SKAP1: variants seen among roughly 807,000 people sequenced by gnomAD.
SKAP1 encodes src kinase-associated phosphoprotein 1.
A neutral mutation model predicts 58.5 loss-of-function variants in SKAP1; 44 were observed. That is an observed-to-expected ratio of 0.75 (90% CI 0.59 to 0.97). SKAP1 has a LOEUF of 0.97. Among genes scored for constraint, SKAP1 ranks in the 50% least tolerant of loss-of-function variants. The pLI is 0.00. For missense variants in SKAP1, 390 were observed against 435.2 expected (o/e 0.90, Z 0.92); for synonymous variants, 127 against 149.7 (o/e 0.85, Z 1.11).
intron 4 of SKAP1, among the ~76,000 whole-genome samples, chr17:48,297,215 C>T (rs767385776): frequency 9.4e-4 from 143 of 152,226 alleles, no homozygotes; most frequent in Admixed American, 1.4e-3. Flanking sequence ...TCTCTCTAAT[C>T]CCTGGTTAAC....
chr17:48,268,566 A>T (rs112293702), intron 4 of SKAP1, among the ~76,000 whole-genome samples: 4,710 of 152,054 alleles, frequency 0.031, 250 homozygotes, highest in African/African-American at 0.11. Context: ...ATCTCTGTTC[A>T]CTGCAACCTC....
chr17:48,370,566 G>C (rs2067070915), intron 2 of SKAP1, among the ~76,000 whole-genome samples: 1 of 152,020 alleles, frequency 6.6e-6, no homozygotes, highest in African/African-American at 2.4e-5. Flanking sequence ...CAAAGTGCTC[G>C]GATTACAAGC....
intron 4 of SKAP1, among the ~76,000 whole-genome samples, chr17:48,258,868 C>T: frequency 6.6e-6 from 1 of 152,108 alleles, no homozygotes. Context: ...GAACTCCTAA[C>T]TCTGCATTCA....
At chr17:48,232,867 A>T (rs960901898) in intron 4 of SKAP1, among the ~76,000 whole-genome samples, 3 of 152,210 alleles carry the variant, frequency 2.0e-5, no homozygotes, top group African/African-American at 7.2e-5. Context: ...GATTTCGCAG[A>T]ATAATGATTA....
At chr17:48,300,278 C>T (rs1465384447) in intron 4 of SKAP1, among the ~76,000 whole-genome samples, 1 of 152,030 alleles carries the variant, frequency 6.6e-6, no homozygotes, top group African/African-American at 2.4e-5. Flanking sequence ...CAGTCTCCAC[C>T]CCATATCTTC....
At chr17:48,367,248 T>A (rs7210708) in intron 2 of SKAP1, among the ~76,000 whole-genome samples, 50,710 of 151,890 alleles carry the variant, frequency 0.33, 9,169 homozygotes, top group African/African-American at 0.47. Context: ...TCCATCTAGT[T>A]GATGTTAAAT....
intron 4 of SKAP1, among the ~76,000 whole-genome samples, chr17:48,233,120 T>C (rs2065142078): frequency 6.6e-6 from 1 of 152,182 alleles, no homozygotes; most frequent in South Asian, 2.1e-4. Flanking sequence ...GTTTGGCAAG[T>C]GTCTCCTGAG....
chr17:48,256,068 A>G (rs957142880), intron 4 of SKAP1, among the ~76,000 whole-genome samples: 4 of 152,086 alleles, frequency 2.6e-5, no homozygotes, highest in Non-Finnish European at 4.4e-5. Context: ...TAAGGTTATA[A>G]AATAGCCACA....
chr17:48,378,205 C>T (rs1359595972), intron 2 of SKAP1, among the ~76,000 whole-genome samples: 1 of 152,188 alleles, frequency 6.6e-6, no homozygotes, highest in Non-Finnish European at 1.5e-5. Flanking sequence ...CCTCATCCTC[C>T]TCCCTTTGAC....
At chr17:48,286,734 C>T (rs1418574842) in intron 4 of SKAP1, among the ~76,000 whole-genome samples, 1 of 152,212 alleles carries the variant, frequency 6.6e-6, no homozygotes, top group African/African-American at 2.4e-5. Flanking sequence ...GTTCTTTTGG[C>T]TTTGAAATCA....
chr17:48,343,402 T>G (rs1947750037), intron 4 of SKAP1, among the ~76,000 whole-genome samples: 1 of 152,178 alleles, frequency 6.6e-6, no homozygotes, highest in African/African-American at 2.4e-5. Flanking sequence ...ATTGTGCCTG[T>G]TATGTATTAG....
At chr17:48,237,689 T>G (rs1336824685) in intron 4 of SKAP1, among the ~76,000 whole-genome samples, 1 of 152,188 alleles carries the variant, frequency 6.6e-6, no homozygotes, top group Non-Finnish European at 1.5e-5. Flanking sequence ...TGATGAGAAC[T>G]TTGAACTAAG....
intron 4 of SKAP1, among the ~76,000 whole-genome samples, chr17:48,276,022 A>G (rs1434647067): frequency 6.6e-6 from 1 of 152,164 alleles, no homozygotes; most frequent in African/African-American, 2.4e-5. Flanking sequence ...ATGGCAAGCA[A>G]TGAAACATGC....
intron 1 of SKAP1, among the ~76,000 whole-genome samples, chr17:48,397,809 G>T (rs2067440486): frequency 6.6e-6 from 1 of 152,150 alleles, no homozygotes; most frequent in African/African-American, 2.4e-5. Flanking sequence ...ATAAAATAGG[G>T]ACATGATAGA....
At chr17:48,301,486 A>T (rs1388360907) in intron 4 of SKAP1, among the ~76,000 whole-genome samples, 2 of 151,978 alleles carry the variant, frequency 1.3e-5, no homozygotes, top group African/African-American at 2.4e-5. Context: ...TTTGAGATGG[A>T]GTCTCGCTCT....
intron 4 of SKAP1, chr17:48,196,723 AG>A (rs1263407844): frequency 6.6e-6 from 1 of 152,246 alleles, no homozygotes; most frequent in Non-Finnish European, 1.5e-5. Flanking sequence ...ATCTTTGCAC[AG>A]GGGCCATGCT....
intron 1 of SKAP1, among the ~76,000 whole-genome samples, chr17:48,406,672 T>C (rs2067590050): frequency 6.6e-6 from 1 of 152,076 alleles, no homozygotes; most frequent in African/African-American, 2.4e-5. Context: ...TTCAAGTGAT[T>C]CTCCTGCCTC....
At chr17:48,262,420 A>G (rs576991171) in intron 4 of SKAP1, among the ~76,000 whole-genome samples, 1 of 152,164 alleles carries the variant, frequency 6.6e-6, no homozygotes, top group Non-Finnish European at 1.5e-5. Flanking sequence ...TTGGGGGGGA[A>G]GTTTAATAAA....
chr17:48,262,213 G>T (rs574667287), intron 4 of SKAP1, among the ~76,000 whole-genome samples: 1 of 152,296 alleles, frequency 6.6e-6, no homozygotes. Context: ...GAGGTTAGAA[G>T]ACCATATTTA....
Sources: allele counts gnomAD v4.1 joint callset (sites outside exome capture counted in the v4.1 genomes callset), GRCh38; gene constraint gnomAD v4.1.1; transcripts MANE v1.5; gene names NCBI Gene and HGNC (gene_info 2026-07-23, HGNC 2026-07-21).